Variants in CD68 observed in about 807,000 individuals in gnomAD.
The protein encoded by CD68 is macrosialin.
CD68 carries 24 observed loss-of-function variants against 31.3 expected under a neutral mutation model. The observed-to-expected ratio is 0.77, with a 90% CI of 0.55 to 1.08. The LOEUF (loss-of-function observed/expected upper bound fraction) is 1.08. Ranked by LOEUF, CD68 falls within the 50% of genes least tolerant of loss-of-function variation. The pLI, the probability that CD68 is intolerant of heterozygous loss-of-function variation, is 0.00. For synonymous variants in CD68, 190 were observed against 179.6 expected (o/e 1.06, Z -0.46); for missense variants, 461 against 442.5 (o/e 1.04, Z -0.38).
rs1201561941 is a variant in CD68, at chr17:7,580,353, G to C, written c.567+26G>C. The C allele has an allele frequency of 6.2e-7, 1 of 1,608,246 alleles. No homozygotes were observed. The highest frequency in any genetic ancestry group is 1.7e-5 in the Admixed American group (1 of 59,754). On this transcript the variant is annotated intron_variant, in intron 2 of 5. Coordinates refer to ENST00000250092, the MANE Select transcript of CD68 (RefSeq NM_001251.3). The surrounding 1 kb of genome is among the most constrained non-coding windows in gnomAD (Gnocchi z 4.3). Reference sequence around the variant, plus strand: ...GTAAAGCTAAAACTGGGGGATGAGAGGGGAGGGAGGCAGGACTGGATATAG... The same window carrying C: ...GTAAAGCTAAAACTGGGGGATGAGACGGGAGGGAGGCAGGACTGGATATAG...
chr17:7,581,521 T>C lies in CD68; in HGVS notation c.*10T>C, dbSNP rs1163391869. ...CTACCAGGCCCTCTGAGCATTTGCT[T>C]CAAACCCCAGGGCACTGAGGGGGTT... is the stretch of plus-strand genomic sequence containing the variant. On this transcript the variant is annotated 3_prime_UTR_variant, in exon 6 of 6. Transcript: ENST00000250092. 1.2e-5 allele frequency: 19 copies of C among 1,613,792 alleles called. No homozygotes were observed. Among genetic ancestry groups the C allele is most frequent in the Non-Finnish European group, 1.6e-5 (19 of 1,179,892 alleles).
At position 7,580,247 on chromosome 17, in the gene CD68, A is replaced by G; in HGVS notation, c.487A>G (p.Thr163Ala). ...GGAGACCATTGGAGACTACACGTGG[A>G]CCAATGGTTCCCAGCCCTGTGTCCA... is the stretch of plus-strand genomic sequence containing the variant. ...SKETIGDYTW[T>A]NGSQPCVHLQ... The change falls in exon 2 of 6, where the codon ACC becomes GCC. Residue 163 changes from threonine (T) to alanine (A), a missense_variant. By Grantham distance (58) the Thr-to-Ala change is moderately conservative. Transcript: ENST00000250092. The surrounding 1 kb of genome is among the most constrained non-coding windows in gnomAD (Gnocchi z 4.3). The G allele has an allele frequency of 6.2e-7, 1 of 1,613,540 alleles. No homozygotes were observed. The highest frequency in any genetic ancestry group is 2.2e-5 in the East Asian group (1 of 44,840).
rs781572556 is a variant in CD68 at position 7,579,661 on chromosome 17, G to A, written c.-17G>A. 6 of 1,600,574 alleles carry A rather than the reference G, an allele frequency of 3.7e-6. No individual in the cohort carries two copies. In the East Asian group the frequency reaches 6.7e-5, roughly 18 times the overall value. On this transcript the variant is annotated 5_prime_UTR_variant, in exon 1 of 6. Coordinates refer to ENST00000250092, the MANE Select transcript of CD68 (RefSeq NM_001251.3). ...GTGCAGACAGCCTAGCTGGACTTTGGGTGAGGCGGTTCAGCCATGAGGCTG... is the reference window on the plus strand; with the variant it reads ...GTGCAGACAGCCTAGCTGGACTTTGAGTGAGGCGGTTCAGCCATGAGGCTG...
Position 7,579,743 on chromosome 17 carries a change from C to G in CD68, c.49+17C>G. ...TACTGGCAGGTAAGGAGGAAGGAGG[C>G]TGAGGGGAGGGGGCCCCTGGGAGGG... On this transcript the variant is annotated intron_variant, in intron 1 of 5. Transcript: ENST00000250092. 1 of 1,602,902 alleles carries G rather than the reference C, an allele frequency of 6.2e-7. No individual in the cohort carries two copies. Among genetic ancestry groups the G allele is most frequent in the Non-Finnish European group, 8.5e-7 (1 of 1,174,600 alleles).
At chr17:7,581,327 T>A (rs765810843) in intron 5 of CD68, 51 bp from the exon 6 acceptor site, 25 of 1,611,334 alleles carry the variant, frequency 1.6e-5, no homozygotes, top group Non-Finnish European at 2.0e-5. Context: ...CCCACCTTTA[T>A]CCCAACCAGC....
rs2150930308 is a variant in CD68 at position 7,580,874 on chromosome 17, T to C, written c.761-22T>C. 1 of 1,614,008 alleles carries C rather than the reference T, an allele frequency of 6.2e-7. No homozygotes were observed. The highest frequency in any genetic ancestry group is 8.5e-7 in the Non-Finnish European group (1 of 1,179,942). On this transcript the variant is annotated intron_variant, in intron 4 of 5. Coordinates refer to ENST00000250092, the MANE Select transcript of CD68 (RefSeq NM_001251.3). The surrounding 1 kb of genome is among the most constrained non-coding windows in gnomAD (Gnocchi z 4.3). ...TGGGGCCAGGGAGGTGGATAGGATCTGACCCTTCCTCACTCCTCCAGAGTG... is the reference window on the plus strand; with the variant it reads ...TGGGGCCAGGGAGGTGGATAGGATCCGACCCTTCCTCACTCCTCCAGAGTG...
At position 7,580,899 on chromosome 17, in the gene CD68, G is replaced by C; in HGVS notation, c.764G>C (p.Trp255Ser). The change falls in exon 5 of 6, where the codon TGG becomes TCG. Residue 255 changes from tryptophan to serine, a missense_variant. Trp to Ser is a radical substitution (Grantham distance 177). Transcript: ENST00000250092. This position sits in a 1 kb window ranked among gnomAD's most constrained non-coding sequence, Gnocchi z 4.3. ...TGACCCTTCCTCACTCCTCCAGAGT[G>C]GACATTCTCGGCTCAGAATGCATCC... The part of the protein sequence containing the change: ...YNVSFPHAAQ[W>S]TFSAQNASLR... 1 of 1,614,004 alleles carries C rather than the reference G, an allele frequency of 6.2e-7. No homozygotes were observed.
rs751995998 is a variant in CD68 at position 7,580,668 on chromosome 17, T to C, written c.688-43T>C. ...CAATCCCACACGCTACTCCTTCCTC[T>C]GTGGAGAGGGATACCACCTGCGCCT... On this transcript the variant is annotated intron_variant, in intron 3 of 5. Transcript: ENST00000250092. This position sits in a 1 kb window ranked among gnomAD's most constrained non-coding sequence, Gnocchi z 4.3. 1 of 1,613,708 alleles carries C rather than the reference T, an allele frequency of 6.2e-7. No homozygotes were observed. The highest frequency in any genetic ancestry group is 1.3e-5 in the African/African-American group (1 of 74,972).
chr17:7,579,661 G>GGTGAGGCGGTTCAGCC lies in CD68; in HGVS notation c.-16_-1dup. ...GTGCAGACAGCCTAGCTGGACTTTG[G>GGTGAGGCGGTTCAGCC]GTGAGGCGGTTCAGCCATGAGGCTG... On this transcript the variant is annotated 5_prime_UTR_variant, in exon 1 of 6. Transcript: ENST00000250092. 1 of 1,600,692 alleles carries GGTGAGGCGGTTCAGCC rather than the reference G, an allele frequency of 6.2e-7. No individual in the cohort carries two copies. Among genetic ancestry groups the GGTGAGGCGGTTCAGCC allele is most frequent in the Non-Finnish European group, 8.5e-7 (1 of 1,174,136 alleles).
rs780459626 is a variant in CD68 at position 7,580,449 on chromosome 17, G to A, written c.568-17G>A. 20 of 1,613,868 alleles carry A rather than the reference G, an allele frequency of 1.2e-5. No individual in the cohort carries two copies. The Admixed American group carries it at 3.0e-4, about 24-fold the overall frequency. On this transcript the variant is annotated splice_polypyrimidine_tract_variant and intron_variant, in intron 2 of 5. Transcript: ENST00000250092. The surrounding 1 kb of genome is among the most constrained non-coding windows in gnomAD (Gnocchi z 4.3). The stretch of plus-strand genomic sequence containing the variant: ...TCGCATGCAGTCTTGTGACCTTCCA[G>A]TCTTTAACTTCCGCAGGCCTGGGGC...
At position 7,579,715 on chromosome 17, in the gene CD68, G is replaced by A; in HGVS notation, c.38G>A (p.Gly13Glu). 6.2e-7 allele frequency: 1 copy of A among 1,604,830 alleles called. No homozygotes were observed. Among genetic ancestry groups the A allele is most frequent in the Non-Finnish European group, 8.5e-7 (1 of 1,176,340 alleles). ...GTGCTTTTCTCGGGGGCCCTGCTGG[G>A]GCTACTGGCAGGTAAGGAGGAAGGA... is the stretch of plus-strand genomic sequence containing the variant. ...LAVLFSGALL[G>E]LLAAQGTGND... is the part of the protein sequence containing the mutation. The change falls in exon 1 of 6, where the codon GGG becomes GAG. Residue 13 changes from glycine (G) to glutamate (E), a missense_variant. Physicochemically the swap from Gly to Glu is moderately conservative, Grantham distance 98. Coordinates refer to ENST00000250092, the MANE Select transcript of CD68 (RefSeq NM_001251.3).
In CD68 at chr17:7,580,126, T is replaced by C; in HGVS notation, c.366T>C (p.His122=). The part of the protein sequence containing the change: ...ATTSHGNATV[H]PTSNSTATSP... ...CTAGTCATGGAAATGCCACGGTTCA[T>C]CCAACAAGCAACAGCACTGCCACCA... The change falls in exon 2 of 6, where the codon CAT becomes CAC. Residue 122 remains histidine, a synonymous_variant. Coordinates refer to ENST00000250092, the MANE Select transcript of CD68 (RefSeq NM_001251.3). This position sits in a 1 kb window ranked among gnomAD's most constrained non-coding sequence, Gnocchi z 4.3. 1 of 1,614,042 alleles carries C rather than the reference T, an allele frequency of 6.2e-7. No individual in the cohort carries two copies. Among genetic ancestry groups the C allele is most frequent in the South Asian group, 1.1e-5 (1 of 91,068 alleles).
At position 7,581,406 on chromosome 17, in the gene CD68, C is replaced by T; in HGVS notation, c.960C>T (p.Ile320=). ...TCTCCTGCCCCAGTGACCGGTCCAT[C>T]TTGCTGCCTCTCATCATCGGCCTGA... The part of the protein sequence containing the change: ...QSFSCPSDRS[I]LLPLIIGLIL... The change falls in exon 6 of 6, where the codon ATC becomes ATT. Residue 320 remains isoleucine, a synonymous_variant. Transcript: ENST00000250092. The T allele has an allele frequency of 6.2e-7, 1 of 1,614,196 alleles. No homozygotes were observed. Among genetic ancestry groups the T allele is most frequent in the Non-Finnish European group, 8.5e-7 (1 of 1,180,026 alleles).
In CD68 at chr17:7,580,138, C is replaced by T; in HGVS notation, c.378C>T (p.Asn126=). The change falls in exon 2 of 6, where the codon AAC becomes AAT. Residue 126 remains asparagine (N), a synonymous_variant. Transcript: ENST00000250092. The surrounding 1 kb of genome is among the most constrained non-coding windows in gnomAD (Gnocchi z 4.3). The part of the protein sequence containing the change: ...HGNATVHPTS[N]STATSPGFTS... ...ATGCCACGGTTCATCCAACAAGCAA[C>T]AGCACTGCCACCAGCCCAGGATTCA... is the stretch of plus-strand genomic sequence containing the variant. 3 of 1,614,106 alleles carry T rather than the reference C, an allele frequency of 1.9e-6. No homozygotes were observed. Among genetic ancestry groups the T allele is most frequent in the Non-Finnish European group, 2.5e-6 (3 of 1,180,022 alleles).
At position 7,580,214 on chromosome 17, in the gene CD68, A is replaced by G. The variant is rs1180698913; in HGVS notation, c.454A>G (p.Thr152Ala). The G allele has an allele frequency of 1.2e-6, 2 of 1,613,424 alleles. No homozygotes were observed. Among genetic ancestry groups the G allele is most frequent in the African/African-American group, 2.7e-5 (2 of 74,692 alleles). ...PPPPSPSPSP[T>A]SKETIGDYTW... ...TCCACCCTCTCCGAGTCCTAGCCCAACCTCCAAGGAGACCATTGGAGACTA... is the reference window on the plus strand; with the variant it reads ...TCCACCCTCTCCGAGTCCTAGCCCAGCCTCCAAGGAGACCATTGGAGACTA... Residue 152 changes from threonine to alanine, a missense_variant, in exon 2 of 6, where the codon ACC (threonine) becomes GCC (alanine). Transcript: ENST00000250092. The surrounding 1 kb of genome is among the most constrained non-coding windows in gnomAD (Gnocchi z 4.3).
At position 7,579,659 on chromosome 17, in the gene CD68, T is replaced by C. The variant is rs372593852; in HGVS notation, c.-19T>C. 16 of 1,600,652 alleles carry C rather than the reference T, an allele frequency of 1.0e-5. No individual in the cohort carries two copies. Among genetic ancestry groups the C allele is most frequent in the Middle Eastern group, 2.0e-4 (1 of 4,886 alleles). On this transcript the variant is annotated 5_prime_UTR_variant, in exon 1 of 6. Transcript: ENST00000250092. ...TGGTGCAGACAGCCTAGCTGGACTT[T>C]GGGTGAGGCGGTTCAGCCATGAGGC...
At position 7,579,976 on chromosome 17, in the gene CD68, C is replaced by T. The variant is rs748014817; in HGVS notation, c.216C>T (p.His72=). 7 of 1,613,940 alleles carry T rather than the reference C, an allele frequency of 4.3e-6. No individual in the cohort carries two copies. Among genetic ancestry groups the T allele is most frequent in the African/African-American group, 2.7e-5 (2 of 74,980 alleles). The change falls in exon 2 of 6, where the codon CAC becomes CAT. Residue 72 remains histidine, a synonymous_variant. Transcript: ENST00000250092. The part of the protein sequence containing the change: ...HRTTTTGTTS[H]GPTTATHNPT... The stretch of plus-strand genomic sequence containing the variant: ...CAACCACCACAGGCACCACCAGCCA[C>T]GGACCCACGACTGCCACTCACAACC...
rs1240561864 is a variant in CD68 at position 7,580,735 on chromosome 17, C to G, written c.712C>G (p.Leu238Val). Reference sequence around the variant, plus strand: ...GGACCTCCAGCAGAAGGTTGTCTACCTGAGCTACATGGCGGTGGAGTACAA... The same window carrying G: ...GGACCTCCAGCAGAAGGTTGTCTACGTGAGCTACATGGCGGTGGAGTACAA... ...MQDLQQKVVY[L>V]SYMAVEYNVS... Residue 238 changes from leucine (L) to valine (V), a missense_variant, in exon 4 of 6, where the codon CTG (leucine) becomes GTG (valine). Coordinates refer to ENST00000250092, the MANE Select transcript of CD68 (RefSeq NM_001251.3). This position sits in a 1 kb window ranked among gnomAD's most constrained non-coding sequence, Gnocchi z 4.3. 8 of 1,614,008 alleles carry G rather than the reference C, an allele frequency of 5.0e-6. No homozygotes were observed. The highest frequency in any genetic ancestry group is 6.8e-6 in the Non-Finnish European group (8 of 1,180,028).
In CD68 at chr17:7,581,370, TC is replaced by T. The variant is rs1208227796; in HGVS notation, c.932-6del. ...TGCAAATACCTACCTGCCCTATCCT[TC>T]CGCCAGGTTTCTCCTGCCCCAGTGA... On this transcript the variant is annotated splice_region_variant and splice_polypyrimidine_tract_variant and intron_variant, in intron 5 of 5. Coordinates refer to ENST00000250092, the MANE Select transcript of CD68 (RefSeq NM_001251.3). The T allele has an allele frequency of 3.1e-6, 5 of 1,613,970 alleles. No homozygotes were observed. The African/African-American group carries it at 6.7e-5, about 22-fold the overall frequency.
Sources: gnomAD v4.1 joint callset for allele counts on GRCh38, gnomAD v4.1.1 for gene constraint, Gnocchi (gnomAD v3.1) non-coding constraint, MANE v1.5 for transcripts, NCBI Gene and HGNC (gene_info 2026-07-23, HGNC 2026-07-21) for gene names.